Variants in COL8A1 observed in about 807,000 individuals in gnomAD.
COL8A1 encodes the protein collagen alpha-1(VIII) chain.
A neutral mutation model predicts 42.7 loss-of-function variants in COL8A1; 21 were observed. The observed-to-expected ratio is 0.49, with a 90% confidence interval of 0.35 to 0.71. The LOEUF (loss-of-function observed/expected upper bound fraction) is 0.71, where lower values mean the gene tolerates loss of function less well. Ranked by LOEUF, COL8A1 falls within the 30% of genes least tolerant of loss-of-function variation. COL8A1 has a pLI of 0.01. For missense variants in COL8A1, 788 were observed against 962.4 expected (o/e 0.82, Z 2.40); for synonymous variants, 367 against 369.1 (o/e 0.99, Z 0.06).
intron 1 of COL8A1, among the ~76,000 whole-genome samples, chr3:99,724,029 C>G (rs1940232469): frequency 6.6e-6 from 1 of 152,064 alleles, no homozygotes; most frequent in Non-Finnish European, 1.5e-5. Context: ...ATTGCAAGCT[C>G]CTGAAGGTGA....
intron 1 of COL8A1, among the ~76,000 whole-genome samples, chr3:99,668,190 TAAAAC>T (rs1194576638): frequency 6.6e-6 from 1 of 152,136 alleles, no homozygotes; most frequent in Non-Finnish European, 1.5e-5. Flanking sequence ...ACTGTCTGGC[TAAAAC>T]AAAACAAATG....
intron 1 of COL8A1, among the ~76,000 whole-genome samples, chr3:99,728,058 A>G (rs899363423): frequency 3.2e-4 from 48 of 151,652 alleles, no homozygotes; most frequent in Middle Eastern, 6.8e-3. Context: ...AAAAACTGGA[A>G]GCATTCCCTT....
chr3:99,714,532 A>T (rs1384329480), intron 1 of COL8A1, among the ~76,000 whole-genome samples: 1 of 152,078 alleles, frequency 6.6e-6, no homozygotes, highest in African/African-American at 2.4e-5. Context: ...TTCTGGGGCT[A>T]TTACAACTTA....
chr3:99,717,215 T>C (rs1022901858), intron 1 of COL8A1, among the ~76,000 whole-genome samples: 1 of 152,036 alleles, frequency 6.6e-6, no homozygotes, highest in African/African-American at 2.4e-5. Flanking sequence ...ATATTTTATG[T>C]AAAATTATTG....
chr3:99,783,770 C>G (rs114043658), intron 2 of COL8A1, among the ~76,000 whole-genome samples: 1 of 152,202 alleles, frequency 6.6e-6, no homozygotes, highest in African/African-American at 2.4e-5. Context: ...ATCTGCCAAA[C>G]ACTTTTAAAC....
intron 1 of COL8A1, among the ~76,000 whole-genome samples, chr3:99,727,446 G>T (rs7629046): frequency 4.0e-5 from 6 of 151,712 alleles, no homozygotes; most frequent in African/African-American, 1.2e-4. Context: ...ACTTCCAACA[G>T]TATGTTGAAT....
chr3:99,657,938 C>A (rs1253299551), intron 1 of COL8A1, among the ~76,000 whole-genome samples: 10 of 152,020 alleles, frequency 6.6e-5, no homozygotes, highest in Admixed American at 4.6e-4. Flanking sequence ...GACAGCCTGA[C>A]CAACATGGTG....
At chr3:99,642,774 C>G (rs1937530592) in intron 1 of COL8A1, among the ~76,000 whole-genome samples, 1 of 152,170 alleles carries the variant, frequency 6.6e-6, no homozygotes, top group African/African-American at 2.4e-5. Flanking sequence ...TCTCTCATTA[C>G]CAAAAATTTC....
intron 1 of COL8A1, among the ~76,000 whole-genome samples, chr3:99,701,770 C>A (rs1169836406): frequency 6.6e-6 from 1 of 152,126 alleles, no homozygotes; most frequent in African/African-American, 2.4e-5. Flanking sequence ...CTCACTGAGG[C>A]CTTTTCAGGG....
chr3:99,695,686 C>A (rs9821563), intron 1 of COL8A1, among the ~76,000 whole-genome samples: 21,003 of 151,974 alleles, frequency 0.14, 1,684 homozygotes, highest in African/African-American at 0.21. Flanking sequence ...CACAATTTTT[C>A]ATCATTCATT....
At chr3:99,771,142 G>A (rs1941573279) in intron 2 of COL8A1, among the ~76,000 whole-genome samples, 1 of 152,192 alleles carries the variant, frequency 6.6e-6, no homozygotes, top group African/African-American at 2.4e-5. Context: ...AGGTGGAAAT[G>A]GAATTAGGGA....
intron 1 of COL8A1, among the ~76,000 whole-genome samples, chr3:99,736,198 T>G (rs1187552219): frequency 6.6e-6 from 1 of 152,200 alleles, no homozygotes; most frequent in Non-Finnish European, 1.5e-5. Flanking sequence ...TGCTAGCTTT[T>G]GAATGTGTTT....
intron 1 of COL8A1, among the ~76,000 whole-genome samples, chr3:99,715,704 A>AT (rs969009406): frequency 1.3e-5 from 2 of 151,922 alleles, no homozygotes; most frequent in African/African-American, 2.4e-5. Flanking sequence ...AGAAAGAATA[A>AT]TTTTTTTTCT....
chr3:99,734,859 C>T (rs1940652827), intron 1 of COL8A1, among the ~76,000 whole-genome samples: 1 of 152,098 alleles, frequency 6.6e-6, no homozygotes, highest in African/African-American at 2.4e-5. Flanking sequence ...TTGAAGAGGT[C>T]CTTCACATCC....
At chr3:99,681,522 T>C (rs1412048183) in intron 1 of COL8A1, among the ~76,000 whole-genome samples, 1 of 151,948 alleles carries the variant, frequency 6.6e-6, no homozygotes, top group Admixed American at 6.6e-5. Flanking sequence ...AGAGTTTGAG[T>C]GGGGAGTGTA....
chr3:99,663,988 G>T (rs1339843649), intron 1 of COL8A1, among the ~76,000 whole-genome samples: 1 of 152,134 alleles, frequency 6.6e-6, no homozygotes, highest in Non-Finnish European at 1.5e-5. Flanking sequence ...TTTGGGGGTT[G>T]GGAAGGAGTT....
At chr3:99,714,931 T>C (rs1939954340) in intron 1 of COL8A1, among the ~76,000 whole-genome samples, 1 of 152,162 alleles carries the variant, frequency 6.6e-6, no homozygotes, top group South Asian at 2.1e-4. Context: ...ATTTAAAAAA[T>C]TGAAAGAATA....
intron 2 of COL8A1, among the ~76,000 whole-genome samples, chr3:99,787,876 C>CA (rs781535067): frequency 1.9e-4 from 9 of 46,544 alleles, no homozygotes; most frequent in Non-Finnish European, 3.3e-4. Flanking sequence ...ACACACACAC[C>CA]CACACCCACA....
chr3:99,765,904 C>A (rs546403925), intron 2 of COL8A1, among the ~76,000 whole-genome samples: 2 of 152,144 alleles, frequency 1.3e-5, no homozygotes, highest in Non-Finnish European at 2.9e-5. Flanking sequence ...CCATTCAATG[C>A]AACATAAAGT....
Sources: allele counts gnomAD v4.1 joint callset (sites outside exome capture counted in the v4.1 genomes callset), GRCh38; gene constraint gnomAD v4.1.1; transcripts MANE v1.5; gene names NCBI Gene and HGNC (gene_info 2026-07-23, HGNC 2026-07-21).